The following PPP1R3A variants were observed in gnomAD, a reference collection of about 807,000 sequenced individuals.
PPP1R3A encodes the protein RG1.
Under a neutral mutation model 41.7 loss-of-function variants are expected in PPP1R3A, and 29 were observed. The observed-to-expected ratio is 0.70, with a 90% confidence interval of 0.52 to 0.95. The LOEUF is 0.95. PPP1R3A is among the 40% of genes least tolerant of loss of function. The pLI is 0.00. For missense variants in PPP1R3A, 1,352 were observed against 1,292.4 expected (o/e 1.05, Z -0.71); for synonymous variants, 485 against 453.4 (o/e 1.07, Z -0.89).
intron 1 of PPP1R3A, among the ~76,000 whole-genome samples, chr7:113,885,744 G>T (rs564859246): frequency 6.7e-5 from 10 of 150,220 alleles, no homozygotes; most frequent in Non-Finnish European, 1.3e-4. Context: ...TATAACAGAG[G>T]ACATTCTTTT....
chr7:113,900,095 G>A (rs1230534030), intron 1 of PPP1R3A, among the ~76,000 whole-genome samples: 1 of 151,326 alleles, frequency 6.6e-6, no homozygotes, highest in Admixed American at 6.6e-5. Context: ...AAGCCTAGAT[G>A]TTGTTTTAGG....
chr7:113,882,433 T>A (rs1185597106), intron 1 of PPP1R3A, 113 bp from the exon 2 acceptor site: 2 of 649,044 alleles, frequency 3.1e-6, no homozygotes, highest in African/African-American at 3.7e-5. Flanking sequence ...TATATAGCCT[T>A]TCTTATTTTC....
In PPP1R3A at chr7:113,879,887, T is replaced by C; in HGVS notation, c.1205A>G (p.His402Arg). Residue 402 changes from histidine to arginine, a missense_variant, in exon 4 of 4, where the codon CAT becomes CGT. His to Arg is a conservative substitution (Grantham distance 29, BLOSUM62 0). Coordinates refer to ENST00000284601, the MANE Select transcript of PPP1R3A (RefSeq NM_002711.4). ...EKYSSGDDCT[H>R]QPSEETTSNM... ...TGAAGTAGTTTCCTCTGAAGGTTGA[T>C]GTGTACAGTCATCTCCTGAGGAATA... is the stretch of plus-strand genomic sequence containing the variant. 1 of 1,613,610 alleles carries C rather than the reference T, an allele frequency of 6.2e-7. No homozygotes were observed. Among genetic ancestry groups the C allele is most frequent in the Non-Finnish European group, 8.5e-7 (1 of 1,179,696 alleles).
chr7:113,912,079 G>A (rs908027804), intron 1 of PPP1R3A, among the ~76,000 whole-genome samples: 2 of 152,020 alleles, frequency 1.3e-5, no homozygotes, highest in Admixed American at 1.3e-4. Flanking sequence ...AAAGCCTCAA[G>A]GTCTTGCCTT....
intron 1 of PPP1R3A, among the ~76,000 whole-genome samples, chr7:113,892,670 T>C (rs1480787845): frequency 6.6e-6 from 1 of 151,916 alleles, no homozygotes; most frequent in Non-Finnish European, 1.5e-5. Context: ...AAAACAAATT[T>C]AAGGAACTAT....
intron 1 of PPP1R3A, among the ~76,000 whole-genome samples, chr7:113,884,968 C>A (rs1202847896): frequency 1.3e-5 from 2 of 151,972 alleles, no homozygotes; most frequent in African/African-American, 4.8e-5. Context: ...ATCAAGACCA[C>A]AAAGAGCTAT....
intron 3 of PPP1R3A, among the ~76,000 whole-genome samples, chr7:113,881,211 A>C (rs1445625027): frequency 6.6e-6 from 1 of 152,108 alleles, no homozygotes; most frequent in Non-Finnish European, 1.5e-5. Flanking sequence ...TCACTATAGA[A>C]AAGGTGGAAT....
Position 113,879,726 on chromosome 7 carries a change from G to C in PPP1R3A, c.1366C>G (p.Pro456Ala), listed in dbSNP as rs2129113241. Residue 456 changes from proline (P) to alanine (A), a missense_variant, in exon 4 of 4, where the codon CCC becomes GCC. Pro to Ala is a conservative substitution (Grantham distance 27, BLOSUM62 -1). Transcript: ENST00000284601. The stretch of plus-strand genomic sequence containing the variant: ...CCTGCCATTAGTTGATCTGAAGAGG[G>C]GCAAGGTATTTGCACTGTGCCATTG... The part of the protein sequence containing the change: ...HGNGTVQIPC[P>A]SSDQLMAGNL... 6 of 1,613,124 alleles carry C rather than the reference G, an allele frequency of 3.7e-6. No homozygotes were observed. Among genetic ancestry groups the C allele is most frequent in the Non-Finnish European group, 4.2e-6 (5 of 1,179,646 alleles).
At chr7:113,910,235 G>A (rs1797221734) in intron 1 of PPP1R3A, among the ~76,000 whole-genome samples, 1 of 152,022 alleles carries the variant, frequency 6.6e-6, no homozygotes, top group Non-Finnish European at 1.5e-5. Flanking sequence ...TTTGGATGGG[G>A]ACACAGCCAA....
Position 113,877,107 on chromosome 7 carries a change from T to C in PPP1R3A, c.*616A>G, listed in dbSNP as rs1049836028. The stretch of plus-strand genomic sequence containing the variant: ...TATGAACGCCCTGACTTTGTAGCTA[T>C]AAAGAAGGTATGTGTGTGTGTGTGT... On this transcript the variant is annotated 3_prime_UTR_variant, in exon 4 of 4. Transcript: ENST00000284601. The C allele has an allele frequency of 2.6e-5, 4 of 151,788 alleles. No homozygotes were observed. The highest frequency in any genetic ancestry group is 9.7e-5 in the African/African-American group (4 of 41,378). The allele number at this position is 151,788 out of a possible 1,614,324, so 9.4% of individuals were successfully genotyped here. A position where few individuals can be genotyped will look rare whatever the true frequency, so the allele number is the denominator to read the frequency against.
At position 113,918,496 on chromosome 7, in the gene PPP1R3A, C is replaced by G; in HGVS notation, c.501G>C (p.Gln167His). The G allele has an allele frequency of 6.2e-7, 1 of 1,613,134 alleles. No homozygotes were observed. Among genetic ancestry groups the G allele is most frequent in the Non-Finnish European group, 8.5e-7 (1 of 1,179,660 alleles). ...VYVRMSLDDW[Q>H]THYDILAEYV... ...ATTCTGCTAAAATGTCATAATGTGT[C>G]TGCCAGTCATCTAAAGACATTCTTA... The change falls in exon 1 of 4, where the codon CAG becomes CAC. Residue 167 changes from glutamine (Q) to histidine (H), a missense_variant. Physicochemically the swap from Gln to His is conservative, Grantham distance 24 (BLOSUM62 0). Transcript: ENST00000284601.
chr7:113,913,544 C>T (rs551382196), intron 1 of PPP1R3A, among the ~76,000 whole-genome samples: 3 of 152,212 alleles, frequency 2.0e-5, no homozygotes, highest in Non-Finnish European at 4.4e-5. Flanking sequence ...TTTGCATTCA[C>T]CTGGCCAAGT....
chr7:113,917,645 A>C (rs998024931), intron 1 of PPP1R3A, among the ~76,000 whole-genome samples: 7 of 152,198 alleles, frequency 4.6e-5, no homozygotes, highest in African/African-American at 1.7e-4. Flanking sequence ...TATCACTGAT[A>C]TACTTATGTC....
At chr7:113,882,737 G>A (rs567526814) in intron 1 of PPP1R3A, among the ~76,000 whole-genome samples, 1 of 151,992 alleles carries the variant, frequency 6.6e-6, no homozygotes, top group Non-Finnish European at 1.5e-5. Flanking sequence ...TATGGTCATG[G>A]AAATTGCTAA....
intron 1 of PPP1R3A, among the ~76,000 whole-genome samples, chr7:113,913,936 C>T (rs534424621): frequency 3.3e-5 from 5 of 152,208 alleles, no homozygotes; most frequent in East Asian, 1.9e-4. Flanking sequence ...TCTTCACAGG[C>T]GCCTGTCTCC....
At position 113,878,978 on chromosome 7, in the gene PPP1R3A, C is replaced by T; in HGVS notation, c.2114G>A (p.Cys705Tyr). Residue 705 changes from cysteine to tyrosine, a missense_variant, in exon 4 of 4, where the codon TGC (cysteine) becomes TAC (tyrosine). Cys to Tyr is a radical substitution (Grantham distance 194). Coordinates refer to ENST00000284601, the MANE Select transcript of PPP1R3A (RefSeq NM_002711.4). The part of the protein sequence containing the change: ...LKATTEELFT[C>Y]QETVCCELSS... ...CAGTTCACAGCACACTGTTTCTTGG[C>T]AGGTAAACAATTCTTCTGTAGTAGC... 6.2e-7 allele frequency: 1 copy of T among 1,613,314 alleles called. No homozygotes were observed. The highest frequency in any genetic ancestry group is 8.5e-7 in the Non-Finnish European group (1 of 1,179,810).
chr7:113,903,560 A>T (rs2129118859), intron 1 of PPP1R3A, among the ~76,000 whole-genome samples: 1 of 151,898 alleles, frequency 6.6e-6, no homozygotes, highest in East Asian at 2.0e-4. Context: ...CCATTCGTAT[A>T]ACATCATCAA....
intron 1 of PPP1R3A, among the ~76,000 whole-genome samples, chr7:113,885,683 C>A (rs79022264): frequency 0.01 from 1,556 of 151,616 alleles, 21 homozygotes; most frequent in African/African-American, 0.035. Context: ...CACAGAAACA[C>A]ACAATATGGA....
At chr7:113,882,453 T>C in intron 1 of PPP1R3A, 133 bp from the exon 2 acceptor site, 5 of 597,934 alleles carry the variant, frequency 8.4e-6, no homozygotes, top group Middle Eastern at 9.3e-4. Flanking sequence ...CCTATATTAC[T>C]TGGGATGTTT....
Sources: gnomAD v4.1 joint callset for allele counts (sites outside exome capture counted in the v4.1 genomes callset) on GRCh38, gnomAD v4.1.1 for gene constraint, MANE v1.5 for transcripts, NCBI Gene and HGNC (gene_info 2026-07-23, HGNC 2026-07-21) for gene names.